DPP6: variants seen among roughly 807,000 people sequenced by gnomAD.
DPP6 encodes dipeptidyl peptidase like 6, also known as A-type potassium channel modulatory protein DPP6.
In DPP6, 69 loss-of-function variants were observed where a neutral mutation model predicts 122.6. The ratio of observed to expected loss-of-function variants is 0.56; its 90% CI spans 0.46 to 0.69. DPP6 has a LOEUF of 0.69. Ranked by LOEUF, DPP6 falls within the 30% of genes least tolerant of loss-of-function variation. The probability of loss-of-function intolerance (pLI) is 0.00; values close to 1 mark genes in which losing one functional copy is unlikely to be tolerated. For synonymous variants in DPP6, 418 were observed against 433.1 expected (o/e 0.97, Z 0.43); for missense variants, 928 against 1,116.9 (o/e 0.83, Z 2.41).
At chr7:154,545,580 C>A (rs1829123311) in intron 4 of DPP6, among the ~76,000 whole-genome samples, 1 of 150,478 alleles carries the variant, frequency 6.6e-6, no homozygotes, top group African/African-American at 2.4e-5. Context: ...AAATAGATTT[C>A]TTGGGGACTT....
Position 154,872,751 on chromosome 7 carries a change from A to G in DPP6, c.1883+58A>G, listed in dbSNP as rs553854834. The G allele has an allele frequency of 2.6e-6, 4 of 1,556,740 alleles. No individual in the cohort carries two copies. In the African/African-American group the frequency reaches 4.1e-5, roughly 16 times the overall value. On this transcript the variant is annotated intron_variant, in intron 19 of 25. Coordinates refer to ENST00000377770, the MANE Select transcript of DPP6 (RefSeq NM_130797.4). Reference sequence around the variant, plus strand: ...CTCGTTCTGGGGCTCCGTGACACCCATGATAAAGGAATATTGAACTCTTAA... The same window carrying G: ...CTCGTTCTGGGGCTCCGTGACACCCGTGATAAAGGAATATTGAACTCTTAA...
intron 5 of DPP6, among the ~76,000 whole-genome samples, chr7:154,604,841 CT>C (rs2130785107): frequency 8.3e-6 from 1 of 120,122 alleles, no homozygotes; most frequent in East Asian, 3.6e-4. Context: ...GGTTTTGTTT[CT>C]CCCCGTCCTT....
chr7:154,636,743 A>G (rs1286565321), intron 5 of DPP6, among the ~76,000 whole-genome samples: 2 of 152,222 alleles, frequency 1.3e-5, no homozygotes, highest in Admixed American at 6.5e-5. Context: ...TAGGTAGGGA[A>G]TGGTGGTATT....
chr7:153,878,131 G>GA, the DPP6 span, among the ~76,000 whole-genome samples: 9 of 152,170 alleles, frequency 5.9e-5, no homozygotes, highest in Non-Finnish European at 1.3e-4. Flanking sequence ...CAAATGGTAA[G>GA]AAGAATGTGA....
chr7:154,302,570 CG>C (rs1805983444), intron 1 of DPP6, among the ~76,000 whole-genome samples: 3 of 152,148 alleles, frequency 2.0e-5, no homozygotes, highest in African/African-American at 7.2e-5. Flanking sequence ...TGGGGAGCCC[CG>C]GTGGGGCCTG....
At chr7:154,325,274 A>G (rs567584715) in intron 1 of DPP6, among the ~76,000 whole-genome samples, 23 of 152,250 alleles carry the variant, frequency 1.5e-4, no homozygotes, top group African/African-American at 5.3e-4. Context: ...TCCTCACTCC[A>G]TCCCCCTTGT....
Position 154,382,460 on chromosome 7 carries a change from C to G in DPP6, c.244-63754C>G, listed in dbSNP as rs150254550. Among the ~76,000 whole-genome samples the G allele has an allele frequency of 3.3e-3, 496 of 152,290 alleles. 11 individuals are homozygous for G. Among genetic ancestry groups the G allele is most frequent in the Admixed American group, 0.025 (386 of 15,292 alleles). The stretch of plus-strand genomic sequence containing the variant: ...GAATCTTAATTAACCATTGAGGCAG[C>G]CTGGGAGATACGCCTATTCTGGTAG... On this transcript the variant is annotated intron_variant, in intron 1 of 25. Coordinates refer to ENST00000377770, the MANE Select transcript of DPP6 (RefSeq NM_130797.4).
intron 1 of DPP6, among the ~76,000 whole-genome samples, chr7:154,333,448 G>A (rs192018302): frequency 6.6e-6 from 1 of 152,268 alleles, no homozygotes; most frequent in Admixed American, 6.5e-5. Flanking sequence ...ATCGTGAACT[G>A]CTAGCACTAT....
chr7:154,435,432 G>A (rs543007025), intron 1 of DPP6, among the ~76,000 whole-genome samples: 4 of 152,276 alleles, frequency 2.6e-5, no homozygotes, highest in East Asian at 1.9e-4. Context: ...TGTGAGGTTG[G>A]AACCATGCAG....
At chr7:154,477,174 G>A (rs898537155) in intron 3 of DPP6, among the ~76,000 whole-genome samples, 1 of 151,990 alleles carries the variant, frequency 6.6e-6, no homozygotes, top group African/African-American at 2.4e-5. Flanking sequence ...AAGCTATTAC[G>A]TCTTTAGGGA....
intron 3 of DPP6, among the ~76,000 whole-genome samples, chr7:154,493,817 G>A (rs1393287455): frequency 6.6e-6 from 1 of 152,204 alleles, no homozygotes; most frequent in East Asian, 1.9e-4. Flanking sequence ...ACGGATGCAG[G>A]CAGGGAGTTT....
rs1013775511 is a variant in DPP6, at chr7:154,365,773, A to G, written c.244-80441A>G. The stretch of plus-strand genomic sequence containing the variant: ...TCGAGACCATCCTGACTAACACGCC[A>G]CGGTGAAACCCCGTCTCTACTAAAA... On this transcript the variant is annotated intron_variant, in intron 1 of 25. Transcript: ENST00000377770. 8.5e-5 allele frequency among the ~76,000 whole-genome samples: 13 copies of G among 152,196 alleles called. 1 individual carries two copies. The South Asian group carries it at 2.1e-3, about 24-fold the overall frequency.
chr7:154,483,406 G>A lies in DPP6; in HGVS notation c.457+8369G>A, dbSNP rs1309414566. Among the ~76,000 whole-genome samples the A allele has an allele frequency of 6.9e-6, 1 of 144,134 alleles. No homozygotes were observed. The highest frequency in any genetic ancestry group is 2.7e-5 in the African/African-American group (1 of 37,664). 94.6% of individuals were successfully genotyped at this position (144,134 alleles called of 152,430 possible). On this transcript the variant is annotated intron_variant, in intron 3 of 25. Coordinates refer to ENST00000377770, the MANE Select transcript of DPP6 (RefSeq NM_130797.4). This position sits in a 1 kb window ranked among gnomAD's most constrained non-coding sequence, Gnocchi z 8.1. ...CAATACAATTTTTTTTTTTTTAAAA[G>A]CATTTATTTGAGCAAACAGTGATTC...
At chr7:154,197,641 C>T (rs1798937670) in intron 1 of DPP6, among the ~76,000 whole-genome samples, 1 of 152,154 alleles carries the variant, frequency 6.6e-6, no homozygotes, top group Non-Finnish European at 1.5e-5. Context: ...AGGTGGTGCC[C>T]AGTGACCCAA....
At chr7:154,530,084 C>T (rs1245353390) in intron 3 of DPP6, among the ~76,000 whole-genome samples, 1 of 151,414 alleles carries the variant, frequency 6.6e-6, no homozygotes, top group Non-Finnish European at 1.5e-5. Flanking sequence ...AGAAATCACA[C>T]CACTGCACTC....
At chr7:153,923,703 G>A (rs573808813) in intron 1 of DPP6, among the ~76,000 whole-genome samples, 2 of 146,146 alleles carry the variant, frequency 1.4e-5, no homozygotes, top group Admixed American at 1.4e-4. Context: ...ACAGCTTGCA[G>A]TGAGCTGAGA....
At chr7:153,917,577 G>A (rs1359743039) in intron 1 of DPP6, among the ~76,000 whole-genome samples, 1 of 152,172 alleles carries the variant, frequency 6.6e-6, no homozygotes, top group African/African-American at 2.4e-5. Flanking sequence ...CTCTCTTACA[G>A]ACGCTAAGAT....
chr7:154,063,252 C>T (rs1309595149), intron 1 of DPP6, among the ~76,000 whole-genome samples: 2 of 136,752 alleles, frequency 1.5e-5, no homozygotes, highest in African/African-American at 2.7e-5. Flanking sequence ...CCTATTCCCC[C>T]ACTGGCTCTT....
At chr7:154,379,866 T>C (rs572562898) in intron 1 of DPP6, among the ~76,000 whole-genome samples, 1 of 152,288 alleles carries the variant, frequency 6.6e-6, no homozygotes, top group Admixed American at 6.5e-5. Context: ...ATGCGCTTCC[T>C]GATATGAAGC....
Sources: allele counts gnomAD v4.1 joint callset (sites outside exome capture counted in the v4.1 genomes callset), GRCh38; gene constraint gnomAD v4.1.1; non-coding constraint Gnocchi (gnomAD v3.1); transcripts MANE v1.5; gene names NCBI Gene and HGNC (gene_info 2026-07-23, HGNC 2026-07-21).